The following ARSB variants were observed in gnomAD, a reference collection of about 807,000 sequenced individuals.
ARSB encodes the protein N-acetylgalactosamine-4-sulfatase.
A neutral mutation model predicts 50.9 loss-of-function variants in ARSB; 41 were observed. The observed-to-expected ratio is 0.81, with a 90% CI of 0.63 to 1.04. ARSB has a LOEUF of 1.04. Ranked by LOEUF, ARSB falls within the 50% of genes least tolerant of loss-of-function variation. The probability of loss-of-function intolerance (pLI) is 0.00; values close to 1 mark genes in which losing one functional copy is unlikely to be tolerated. For synonymous variants in ARSB, 269 were observed against 284.8 expected (o/e 0.94, Z 0.56); for missense variants, 672 against 693.3 (o/e 0.97, Z 0.35).
chr5:78,856,026 T>C (rs1257415726), intron 5 of ARSB, among the ~76,000 whole-genome samples: 1 of 152,212 alleles, frequency 6.6e-6, no homozygotes, highest in Non-Finnish European at 1.5e-5. Flanking sequence ...TGAGGGAGAA[T>C]AGCACTAGGG....
At chr5:78,842,892 C>T (rs1745290777) in intron 5 of ARSB, among the ~76,000 whole-genome samples, 1 of 151,244 alleles carries the variant, frequency 6.6e-6, no homozygotes, top group African/African-American at 2.4e-5. Context: ...GCATGTTCAT[C>T]TATCCTTCTG....
intron 6 of ARSB, among the ~76,000 whole-genome samples, chr5:78,834,987 C>T (rs1744887765): frequency 7.7e-6 from 1 of 130,012 alleles, no homozygotes; most frequent in Non-Finnish European, 1.6e-5. Flanking sequence ...TTCCTTTTTC[C>T]ACTCTCTCTC....
chr5:78,784,200 T>C (rs886879538), intron 6 of ARSB, among the ~76,000 whole-genome samples: 6 of 152,196 alleles, frequency 3.9e-5, no homozygotes, highest in East Asian at 1.9e-4. Context: ...GCTTTAAAAA[T>C]GTATGTGTGT....
intron 6 of ARSB, among the ~76,000 whole-genome samples, chr5:78,834,182 C>T (rs1341067024): frequency 6.6e-6 from 1 of 152,140 alleles, no homozygotes; most frequent in Non-Finnish European, 1.5e-5. Flanking sequence ...GATAGAGACC[C>T]TATTCTCATG....
chr5:78,795,090 C>T lies in ARSB; in HGVS notation c.1214-13116G>A, dbSNP rs115459453. 3.6e-3 allele frequency among the ~76,000 whole-genome samples: 542 copies of T among 152,328 alleles called. 2 individuals carry two copies. The highest frequency in any genetic ancestry group is 0.012 in the African/African-American group (514 of 41,580). On this transcript the variant is annotated intron_variant, in intron 6 of 7. Transcript: ENST00000264914. ...TGAAAGCCCATAATAGGGTCCCTGG[C>T]AGAGAGTAAGCTCTCAATAAATGTT...
Position 78,852,161 on chromosome 5 carries a change from G to T in ARSB, c.1143-12735C>A, listed in dbSNP as rs563585829. On this transcript the variant is annotated intron_variant, in intron 5 of 7. Transcript: ENST00000264914. ...ATGCAGTTTCTTCCTAGCCTCGATG[G>T]TCTTTACAATTTGGCATGATTTTGC... is the stretch of plus-strand genomic sequence containing the variant. Among the ~76,000 whole-genome samples, 32 of 152,286 alleles carry T rather than the reference G, an allele frequency of 2.1e-4. No individual in the cohort carries two copies. In the South Asian group the frequency reaches 5.6e-3, roughly 27 times the overall value.
chr5:78,831,678 C>T (rs1354211608), intron 6 of ARSB, among the ~76,000 whole-genome samples: 1 of 152,158 alleles, frequency 6.6e-6, no homozygotes, highest in Admixed American at 6.5e-5. Context: ...TAACAGCATG[C>T]ATGACCTGGT....
intron 4 of ARSB, among the ~76,000 whole-genome samples, chr5:78,933,903 T>C (rs1195502264): frequency 6.6e-6 from 1 of 152,028 alleles, no homozygotes; most frequent in Non-Finnish European, 1.5e-5. Context: ...GAAGGAAGAA[T>C]AGACTAGAGT....
At chr5:78,802,442 C>G (rs559051792) in intron 6 of ARSB, among the ~76,000 whole-genome samples, 1 of 152,064 alleles carries the variant, frequency 6.6e-6, no homozygotes, top group Admixed American at 6.6e-5. Context: ...CACCTAGCAC[C>G]GTGTGGGTGT....
At chr5:78,976,421 G>A (rs1451729622) in intron 1 of ARSB, among the ~76,000 whole-genome samples, 1 of 150,836 alleles carries the variant, frequency 6.6e-6, no homozygotes, top group Admixed American at 6.6e-5. Flanking sequence ...CCTGCCCCCG[G>A]GTCTCAACCT....
intron 6 of ARSB, among the ~76,000 whole-genome samples, chr5:78,810,255 G>A (rs972824070): frequency 1.3e-5 from 2 of 152,232 alleles, no homozygotes; most frequent in Non-Finnish European, 2.9e-5. Flanking sequence ...AAGGATGGGA[G>A]TGATTAAGTG....
intron 5 of ARSB, among the ~76,000 whole-genome samples, chr5:78,856,726 C>T (rs1746165508): frequency 2.6e-5 from 4 of 152,212 alleles, no homozygotes; most frequent in Admixed American, 2.0e-4. Context: ...TCTCTCTACA[C>T]ACACACACAT....
intron 1 of ARSB, among the ~76,000 whole-genome samples, chr5:78,977,839 G>A (rs1203198798): frequency 2.0e-5 from 3 of 151,936 alleles, no homozygotes; most frequent in Non-Finnish European, 4.4e-5. Flanking sequence ...ACACAATTAG[G>A]GCTAACAAGT....
rs1554070220 is a variant in ARSB at position 78,787,134 on chromosome 5, C to CT, written c.1214-5161dup. ...TCTATCTATCTATCTATCTATCTAT[C>CT]TATATAGATACAGGTTTCACTATGT... On this transcript the variant is annotated intron_variant, in intron 6 of 7. Coordinates refer to ENST00000264914, the MANE Select transcript of ARSB (RefSeq NM_000046.5). Among the ~76,000 whole-genome samples, 11 of 150,218 alleles carry CT rather than the reference C, an allele frequency of 7.3e-5. No individual in the cohort carries two copies. The East Asian group carries it at 1.8e-3, about 24-fold the overall frequency.
At chr5:78,783,358 G>A (rs1405403355) in intron 6 of ARSB, 2 of 152,082 alleles carry the variant, frequency 1.3e-5, no homozygotes, top group Non-Finnish European at 2.9e-5. Flanking sequence ...CATGCAGGGT[G>A]TGTCGGTGGT....
chr5:78,833,385 T>A (rs1295782902), intron 6 of ARSB, among the ~76,000 whole-genome samples: 1 of 151,984 alleles, frequency 6.6e-6, no homozygotes, highest in South Asian at 2.1e-4. Context: ...TCTTAGGAGT[T>A]TTCTCAGAAG....
At chr5:78,981,645 C>G (rs1752909850) in intron 1 of ARSB, among the ~76,000 whole-genome samples, 1 of 152,244 alleles carries the variant, frequency 6.6e-6, no homozygotes, top group African/African-American at 2.4e-5. Flanking sequence ...TCCTCTGTTT[C>G]ACAGATGTGG....
chr5:78,819,171 A>T (rs1034742566), intron 6 of ARSB, among the ~76,000 whole-genome samples: 2 of 152,192 alleles, frequency 1.3e-5, no homozygotes, highest in Non-Finnish European at 2.9e-5. Context: ...ATCTCCCCAC[A>T]GGAGTAAGGA....
chr5:78,888,313 G>C (rs1179453712), intron 4 of ARSB, among the ~76,000 whole-genome samples: 1 of 152,168 alleles, frequency 6.6e-6, no homozygotes, highest in Non-Finnish European at 1.5e-5. Context: ...GTAGAAAGAA[G>C]AAATTCCTCC....
Sources: allele counts gnomAD v4.1 joint callset (sites outside exome capture counted in the v4.1 genomes callset), GRCh38; gene constraint gnomAD v4.1.1; transcripts MANE v1.5; gene names NCBI Gene and HGNC (gene_info 2026-07-23, HGNC 2026-07-21).